Variants in THSD4 observed in about 807,000 individuals in gnomAD.
The protein encoded by THSD4 is thrombospondin type-1 domain-containing protein 4.
THSD4 carries 69 observed loss-of-function variants against 119.0 expected under a neutral mutation model. The observed-to-expected ratio is 0.58, with a 90% confidence interval of 0.48 to 0.71. The LOEUF (loss-of-function observed/expected upper bound fraction) is 0.71. Ranked by LOEUF, THSD4 falls within the 30% of genes least tolerant of loss-of-function variation. THSD4 has a pLI of 0.00. For synonymous variants in THSD4, 524 were observed against 540.4 expected (o/e 0.97, Z 0.42); for missense variants, 1,393 against 1,391.1 (o/e 1.00, Z -0.02).
chr15:71,151,814 T>A (rs1236779046), intron 2 of THSD4, among the ~76,000 whole-genome samples: 1 of 152,184 alleles, frequency 6.6e-6, no homozygotes, highest in South Asian at 2.1e-4. Flanking sequence ...TATTAAAAAG[T>A]CCAAAGGAAG....
intron 7 of THSD4, among the ~76,000 whole-genome samples, chr15:71,445,946 A>G (rs2047175137): frequency 6.6e-6 from 1 of 152,246 alleles, no homozygotes. Context: ...ACCATTTAGC[A>G]AAATGCAGTT....
At chr15:71,336,021 T>C (rs1218145509) in intron 6 of THSD4, among the ~76,000 whole-genome samples, 1 of 152,114 alleles carries the variant, frequency 6.6e-6, no homozygotes, top group Non-Finnish European at 1.5e-5. Flanking sequence ...TCTCAATCAT[T>C]GGGGAGAGAT....
chr15:71,420,310 G>A (rs1431516445), intron 7 of THSD4, among the ~76,000 whole-genome samples: 1 of 106,872 alleles, frequency 9.4e-6, no homozygotes, highest in Non-Finnish European at 2.1e-5. Context: ...TTTGGTTTCC[G>A]TTTGCATAGA....
chr15:71,341,264 A>G, intron 6 of THSD4: 2 of 1,596,426 alleles, frequency 1.3e-6, no homozygotes, highest in Non-Finnish European at 1.7e-6. Flanking sequence ...CTTTTCCGTA[A>G]GGATCATCTC....
chr15:71,748,364 A>G (rs1049890377), intron 13 of THSD4, 57 bp from the exon 14 acceptor site: 15 of 1,599,308 alleles, frequency 9.4e-6, no homozygotes, highest in South Asian at 1.1e-5. Context: ...CATACTGGCA[A>G]TTCTCTCCCA....
At chr15:71,776,109 C>G (rs7168147) in intron 17 of THSD4, among the ~76,000 whole-genome samples, 28,780 of 152,130 alleles carry the variant, frequency 0.19, 5,055 homozygotes, top group African/African-American at 0.47. Context: ...GTGAAAAGAA[C>G]ATTTTAAAAC....
chr15:71,570,373 C>G (rs534557040), intron 7 of THSD4, among the ~76,000 whole-genome samples: 6 of 151,694 alleles, frequency 4.0e-5, no homozygotes, highest in Non-Finnish European at 7.4e-5. Flanking sequence ...TTGTTGCACC[C>G]GGAATATAAA....
chr15:71,765,799 T>C (rs920714831), intron 16 of THSD4, among the ~76,000 whole-genome samples: 6 of 150,424 alleles, frequency 4.0e-5, no homozygotes, highest in Non-Finnish European at 7.4e-5. Context: ...TCTGTGTGTG[T>C]GTGTGTGTGT....
intron 7 of THSD4, among the ~76,000 whole-genome samples, chr15:71,629,236 G>T (rs1382751200): frequency 6.6e-6 from 1 of 152,166 alleles, no homozygotes; most frequent in Non-Finnish European, 1.5e-5. Context: ...GACCCGCACT[G>T]TCTGCCCAGT....
chr15:71,172,699 A>G (rs1370996977), intron 3 of THSD4, among the ~76,000 whole-genome samples: 2 of 106,444 alleles, frequency 1.9e-5, no homozygotes, highest in African/African-American at 7.5e-5. Context: ...ATATATATAT[A>G]TATATATATA....
chr15:71,300,573 A>G (rs2044934870), intron 6 of THSD4, among the ~76,000 whole-genome samples: 2 of 152,236 alleles, frequency 1.3e-5, no homozygotes, highest in Admixed American at 6.5e-5. Context: ...TCCTCAGCAC[A>G]TATTCTAGGC....
intron 1 of THSD4, among the ~76,000 whole-genome samples, chr15:71,125,139 A>G (rs896138428): frequency 2.0e-5 from 3 of 152,266 alleles, no homozygotes; most frequent in South Asian, 2.1e-4. Flanking sequence ...GAAGGCAAGG[A>G]AAGGGAAAGG....
intron 6 of THSD4, among the ~76,000 whole-genome samples, chr15:71,295,413 G>C (rs186816333): frequency 2.0e-5 from 3 of 152,104 alleles, no homozygotes; most frequent in African/African-American, 7.2e-5. Context: ...AGCTTCCTGC[G>C]AGTTAAGGGG....
chr15:71,761,567 T>C (rs766544290), intron 15 of THSD4, among the ~76,000 whole-genome samples: 6 of 152,206 alleles, frequency 3.9e-5, no homozygotes, highest in Non-Finnish European at 7.3e-5. Flanking sequence ...TGGTTTTTAG[T>C]AAATTCACAA....
intron 6 of THSD4, among the ~76,000 whole-genome samples, chr15:71,379,219 A>G (rs1046457087): frequency 6.6e-6 from 1 of 150,726 alleles, no homozygotes; most frequent in African/African-American, 2.4e-5. Context: ...GTTAAAGTAC[A>G]TCTTAGCTGT....
intron 8 of THSD4, among the ~76,000 whole-genome samples, chr15:71,683,534 G>A (rs1025381190): frequency 9.2e-5 from 14 of 152,192 alleles, no homozygotes; most frequent in African/African-American, 2.9e-4. Flanking sequence ...CAGGGGAAGA[G>A]GAGAATGAGT....
At chr15:71,528,555 C>T (rs908507308) in intron 7 of THSD4, among the ~76,000 whole-genome samples, 5 of 152,148 alleles carry the variant, frequency 3.3e-5, no homozygotes, top group East Asian at 1.9e-4. Context: ...ATTTCTCCCC[C>T]GTGGTTATTA....
chr15:71,565,686 T>G (rs1217559706), intron 7 of THSD4, among the ~76,000 whole-genome samples: 1 of 152,174 alleles, frequency 6.6e-6, no homozygotes, highest in African/African-American at 2.4e-5. Context: ...TTTTTAAGTT[T>G]AATTGCAAAC....
chr15:71,432,518 T>C lies in THSD4; in HGVS notation c.1152+20695T>C, dbSNP rs372781885. 1.4e-4 allele frequency among the ~76,000 whole-genome samples: 13 copies of C among 95,246 alleles called. 1 individual carries two copies. Among genetic ancestry groups the C allele is most frequent in the African/African-American group, 4.6e-4 (13 of 28,110 alleles). The allele number at this position is 95,246 out of a possible 152,430, so 62.5% of individuals were successfully genotyped here. A position where few individuals can be genotyped will look rare whatever the true frequency, so the allele number is the denominator to read the frequency against. On this transcript the variant is annotated intron_variant, in intron 7 of 17. Transcript: ENST00000261862. Reference sequence around the variant, plus strand: ...AGCATATATAATCTGTTCCTTTCCCTCCCTTCTTTTTTTTTTTTTTTTGCA... The same window carrying C: ...AGCATATATAATCTGTTCCTTTCCCCCCCTTCTTTTTTTTTTTTTTTTGCA...
Sources: allele counts gnomAD v4.1 joint callset (sites outside exome capture counted in the v4.1 genomes callset), GRCh38; gene constraint gnomAD v4.1.1; transcripts MANE v1.5; gene names NCBI Gene and HGNC (gene_info 2026-07-23, HGNC 2026-07-21).